The following MACROD2 variants were observed in gnomAD, a reference collection of about 807,000 sequenced individuals.
MACROD2 encodes mono-ADP ribosylhydrolase 2.
MACROD2 carries 36 observed loss-of-function variants against 70.4 expected under a neutral mutation model. The ratio of observed to expected loss-of-function variants is 0.51; its 90% confidence interval spans 0.39 to 0.68. MACROD2 has a LOEUF of 0.68. MACROD2 is among the 30% of genes least tolerant of loss of function. The probability of loss-of-function intolerance (pLI) is 0.00; values close to 1 mark genes in which losing one functional copy is unlikely to be tolerated. For missense variants in MACROD2, 496 were observed against 538.4 expected, an observed-to-expected ratio of 0.92 and a Z score of 0.78; for synonymous variants, 172 against 178.8, an observed-to-expected ratio of 0.96 and a Z score of 0.30.
intron 5 of MACROD2, among the ~76,000 whole-genome samples, chr20:14,825,726 G>A (rs1253105831): frequency 6.6e-6 from 1 of 152,086 alleles, no homozygotes; most frequent in Non-Finnish European, 1.5e-5. Context: ...CTTAATATGA[G>A]CCAATTTTCA....
At chr20:14,149,903 C>T (rs1302141054) in intron 3 of MACROD2, among the ~76,000 whole-genome samples, 4 of 151,804 alleles carry the variant, frequency 2.6e-5, no homozygotes, top group African/African-American at 7.3e-5. Flanking sequence ...TTTTTTTTCC[C>T]AGACAAATCC....
chr20:15,251,138 G>A (rs374488663), intron 6 of MACROD2, among the ~76,000 whole-genome samples: 1 of 151,882 alleles, frequency 6.6e-6, no homozygotes, highest in Non-Finnish European at 1.5e-5. Flanking sequence ...TTAGGTTTCC[G>A]AAAAAAGGGG....
In MACROD2 at chr20:14,786,861, C is replaced by T. The variant is rs545983576; in HGVS notation, c.418+101902C>T. ...TTTCTGCTCTCTCTGTACCCTGAGG[C>T]CTCCAAATACGTATAAAGAAAGAGG... On this transcript the variant is annotated intron_variant, in intron 5 of 17. Transcript: ENST00000684519. Among the ~76,000 whole-genome samples the T allele has an allele frequency of 4.0e-4, 61 of 152,162 alleles. 1 individual carries two copies. Among genetic ancestry groups the T allele is most frequent in the African/African-American group, 1.2e-3 (51 of 41,464 alleles).
intron 5 of MACROD2, among the ~76,000 whole-genome samples, chr20:14,695,824 A>T (rs2123621791): frequency 6.6e-6 from 1 of 152,378 alleles, no homozygotes; most frequent in East Asian, 1.9e-4. Flanking sequence ...AGCCAGAGGC[A>T]TCCAGCCAAG....
intron 3 of MACROD2, among the ~76,000 whole-genome samples, chr20:14,292,097 T>C (rs759152776): frequency 6.6e-6 from 1 of 151,888 alleles, no homozygotes; most frequent in Non-Finnish European, 1.5e-5. Flanking sequence ...ATTCTTCCCT[T>C]TTATCACTCA....
chr20:15,844,459 C>T (rs1404207879), intron 8 of MACROD2, among the ~76,000 whole-genome samples: 1 of 152,146 alleles, frequency 6.6e-6, no homozygotes, highest in Non-Finnish European at 1.5e-5. Context: ...CCCAGATAGC[C>T]TAGTGAGGTA....
chr20:14,586,064 GT>G (rs1386591767), intron 4 of MACROD2, among the ~76,000 whole-genome samples: 1 of 152,046 alleles, frequency 6.6e-6, no homozygotes, highest in Non-Finnish European at 1.5e-5. Flanking sequence ...TTATTTTCTT[GT>G]TTTGTTTTAA....
chr20:14,177,769 G>A (rs1197694020), intron 3 of MACROD2, among the ~76,000 whole-genome samples: 1 of 152,136 alleles, frequency 6.6e-6, no homozygotes, highest in African/African-American at 2.4e-5. Context: ...GCTAAAGACA[G>A]ACATTTTAGT....
intron 5 of MACROD2, among the ~76,000 whole-genome samples, chr20:14,862,198 A>AATAT (rs1200091438): frequency 3.3e-4 from 4 of 12,178 alleles, no homozygotes; most frequent in African/African-American, 1.3e-3. Context: ...TTTATACATA[A>AATAT]ATATATAAAT....
At chr20:15,546,263 A>G (rs1006173286) in intron 8 of MACROD2, among the ~76,000 whole-genome samples, 2 of 152,308 alleles carry the variant, frequency 1.3e-5, no homozygotes, top group Admixed American at 1.3e-4. Flanking sequence ...AGAGACTCTG[A>G]CCATGACTTC....
intron 5 of MACROD2, among the ~76,000 whole-genome samples, chr20:14,773,664 CA>C (rs1244460810): frequency 6.6e-6 from 1 of 152,026 alleles, no homozygotes. Context: ...CAATATGCCT[CA>C]AGTGATAGAG....
intron 5 of MACROD2, among the ~76,000 whole-genome samples, chr20:15,045,207 C>T (rs2075383962): frequency 6.6e-6 from 1 of 152,186 alleles, no homozygotes; most frequent in Admixed American, 6.5e-5. Context: ...TCATGGCCGT[C>T]ACCCTGCAGA....
At chr20:14,765,404 C>T (rs914212944) in intron 5 of MACROD2, among the ~76,000 whole-genome samples, 10 of 152,104 alleles carry the variant, frequency 6.6e-5, no homozygotes, top group Non-Finnish European at 1.2e-4. Context: ...TGACTCTCCT[C>T]GCTGGCACAC....
rs148650152 is a variant in MACROD2 at position 14,295,565 on chromosome 20, T to TG, written c.272-197907dup. Among the ~76,000 whole-genome samples the TG allele has an allele frequency of 4.4e-3, 667 of 149,934 alleles. 2 individuals are homozygous for TG. The highest frequency in any genetic ancestry group is 7.5e-3 in the East Asian group (38 of 5,034). ...AGAATATCATTAGGAGGGGACTGTG[T>TG]GGGGGGGCTGGGGGGAGTGGTAATA... On this transcript the variant is annotated intron_variant, in intron 3 of 17. Coordinates refer to ENST00000684519, the MANE Select transcript of MACROD2 (RefSeq NM_001351661.2).
chr20:15,178,514 C>A (rs749133587), intron 5 of MACROD2, among the ~76,000 whole-genome samples: 56 of 152,120 alleles, frequency 3.7e-4, no homozygotes, highest in Non-Finnish European at 6.9e-4. Flanking sequence ...TGCATATAAC[C>A]CTTGCTCTAA....
intron 3 of MACROD2, among the ~76,000 whole-genome samples, chr20:14,392,135 TTCTGAGTCCTA>T (rs2083533491): frequency 6.6e-6 from 1 of 152,076 alleles, no homozygotes; most frequent in Non-Finnish European, 1.5e-5. Context: ...CATATAGACT[TTCTGAGTCCTA>T]AATGGAAACT....
At chr20:14,547,228 T>A in intron 4 of MACROD2, 1 of 584,662 alleles carries the variant, frequency 1.7e-6, no homozygotes, top group Non-Finnish European at 2.4e-6. Flanking sequence ...ATCAACTGGC[T>A]CCATGCAGGA....
intron 6 of MACROD2, among the ~76,000 whole-genome samples, chr20:15,417,625 GAAAGA>G (rs1373525538): frequency 4.1e-5 from 5 of 121,694 alleles, no homozygotes; most frequent in East Asian, 4.8e-4. Context: ...AAGAAAGAAA[GAAAGA>G]AAAGAAAAGA....
chr20:15,553,206 G>T (rs750485851), intron 8 of MACROD2, among the ~76,000 whole-genome samples: 1 of 152,072 alleles, frequency 6.6e-6, no homozygotes, highest in East Asian at 1.9e-4. Flanking sequence ...TAGGGACTGA[G>T]AACACACGAG....
Sources: allele counts gnomAD v4.1 joint callset (sites outside exome capture counted in the v4.1 genomes callset), GRCh38; gene constraint gnomAD v4.1.1; transcripts MANE v1.5; gene names NCBI Gene and HGNC (gene_info 2026-07-23, HGNC 2026-07-21).